GALNT17: variants seen among roughly 807,000 people sequenced by gnomAD.
GALNT17 encodes UDP-GalNAc:polypeptide N-acetylgalactosaminyltransferase-like 3.
A neutral mutation model predicts 63.7 loss-of-function variants in GALNT17; 29 were observed. That is an observed-to-expected ratio of 0.46 (90% CI 0.34 to 0.62). The LOEUF is 0.62. Ranked by LOEUF, GALNT17 falls within the 20% of genes least tolerant of loss-of-function variation. GALNT17 has a pLI of 0.01. For synonymous variants in GALNT17, 305 were observed against 318.3 expected (o/e 0.96, Z 0.45); for missense variants, 603 against 799.6 (o/e 0.75, Z 2.97).
intron 4 of GALNT17, among the ~76,000 whole-genome samples, chr7:71,417,230 GTTC>G (rs1232332167): frequency 1.3e-5 from 2 of 152,136 alleles, no homozygotes; most frequent in African/African-American, 2.4e-5. Context: ...TAAAATGTCT[GTTC>G]TTCTTCATTT....
At chr7:71,362,760 C>T (rs925553282) in intron 2 of GALNT17, among the ~76,000 whole-genome samples, 4 of 152,118 alleles carry the variant, frequency 2.6e-5, no homozygotes, top group East Asian at 1.9e-4. Context: ...AACCCTGCCC[C>T]GCTGAAAGCC....
chr7:71,388,474 G>A, intron 3 of GALNT17, 73 bp downstream of exon 3: 3 of 1,542,952 alleles, frequency 1.9e-6, no homozygotes, highest in South Asian at 1.2e-5. Flanking sequence ...TCCAACGCGA[G>A]CCCGAGCATC....
At position 71,677,247 on chromosome 7, in the gene GALNT17, C is replaced by G; in HGVS notation, c.1441C>G (p.Gln481Glu). Reference sequence around the variant, plus strand: ...CAAGGCAAAAGACGTCTGCTTGGACCAGGGGCCGCTGGAGAACCACACAGC... The same window carrying G: ...CAAGGCAAAAGACGTCTGCTTGGACGAGGGGCCGCTGGAGAACCACACAGC... ...NNKAKDVCLD[Q>E]GPLENHTAIL... is the part of the protein sequence containing the mutation. Residue 481 changes from glutamine to glutamate, a missense_variant, in exon 9 of 11, where the codon CAG becomes GAG. Physicochemically the swap from Gln to Glu is conservative, Grantham distance 29. Around this residue, in one of 3 missense-constraint regions of GALNT17, gnomAD observed 336 missense variants for 507.8 expected, o/e 0.66. Coordinates refer to ENST00000333538, the MANE Select transcript of GALNT17 (RefSeq NM_022479.3). 1 of 1,613,986 alleles carries G rather than the reference C, an allele frequency of 6.2e-7. No individual in the cohort carries two copies. Among genetic ancestry groups the G allele is most frequent in the South Asian group, 1.1e-5 (1 of 91,076 alleles).
chr7:71,413,306 T>G (rs950219255), intron 3 of GALNT17, among the ~76,000 whole-genome samples: 1 of 152,200 alleles, frequency 6.6e-6, no homozygotes, highest in African/African-American at 2.4e-5. Flanking sequence ...CCATTTTTTT[T>G]GGGCGAGTGG....
At chr7:71,232,239 T>G (rs1430246734) in intron 1 of GALNT17, among the ~76,000 whole-genome samples, 1 of 152,182 alleles carries the variant, frequency 6.6e-6, no homozygotes, top group Non-Finnish European at 1.5e-5. Flanking sequence ...CACATTTCTG[T>G]CCTTAGATTT....
At chr7:71,225,822 C>T (rs1789670203) in intron 1 of GALNT17, among the ~76,000 whole-genome samples, 2 of 152,072 alleles carry the variant, frequency 1.3e-5, no homozygotes, top group African/African-American at 4.8e-5. Context: ...ACATTCATGG[C>T]CTGCCATGCT....
Position 71,598,256 on chromosome 7 carries a change from T to C in GALNT17, c.1080+26854T>C, listed in dbSNP as rs184470133. Among the ~76,000 whole-genome samples the C allele has an allele frequency of 4.3e-3, 655 of 152,336 alleles. 4 individuals are homozygous for C. The highest frequency in any genetic ancestry group is 0.02 in the Middle Eastern group (6 of 294). On this transcript the variant is annotated intron_variant, in intron 6 of 10. Coordinates refer to ENST00000333538, the MANE Select transcript of GALNT17 (RefSeq NM_022479.3). ...CGTGCCCGGCCGGTAGTTTCATTGCTTATTATGATAGTAGAAGTCATTTTC... is the reference window on the plus strand; with the variant it reads ...CGTGCCCGGCCGGTAGTTTCATTGCCTATTATGATAGTAGAAGTCATTTTC...
chr7:71,467,566 G>A (rs931696520), intron 5 of GALNT17, among the ~76,000 whole-genome samples: 6 of 151,134 alleles, frequency 4.0e-5, no homozygotes, highest in Admixed American at 4.0e-4. Context: ...CACTTTCTGT[G>A]ACATGTGTTC....
intron 1 of GALNT17, among the ~76,000 whole-genome samples, chr7:71,245,820 G>A (rs935159669): frequency 6.0e-5 from 9 of 150,244 alleles, no homozygotes; most frequent in African/African-American, 2.0e-4. Context: ...TGTGAATTGG[G>A]AAAGGTCTGC....
rs556899191 is a variant in GALNT17, at chr7:71,254,387, A to C, written c.239-81163A>C. On this transcript the variant is annotated intron_variant, in intron 1 of 10. Transcript: ENST00000333538. ...CTGGGAAGGGAAGAGGATTCTCTAC[A>C]GAATGTAGATTTTCCCTACAAGAGA... Among the ~76,000 whole-genome samples, 5 of 152,296 alleles carry C rather than the reference A, an allele frequency of 3.3e-5. No individual in the cohort carries two copies. In the East Asian group the frequency reaches 9.7e-4, roughly 29 times the overall value.
At position 71,421,073 on chromosome 7, in the gene GALNT17, G is replaced by A; in HGVS notation, c.930G>A (p.Trp310Ter). 6.2e-7 allele frequency: 1 copy of A among 1,614,126 alleles called. No individual in the cohort carries two copies. Among genetic ancestry groups the A allele is most frequent in the Non-Finnish European group, 8.5e-7 (1 of 1,180,020 alleles). ...WCMYISPPKDWWDAGDPSLPI... is the reference protein window; with the variant it reads ...WCMYISPPKD ...TGTACATCAGCCCCCCAAAAGACTGGTGGGACGCCGGAGACCCTTCTCTCC... is the reference window on the plus strand; with the variant it reads ...TGTACATCAGCCCCCCAAAAGACTGATGGGACGCCGGAGACCCTTCTCTCC... The change falls in exon 5 of 11, where the codon TGG (tryptophan) becomes TGA (stop). Residue 310 changes from tryptophan (W) to a stop codon, truncating the protein, a stop_gained. Transcript: ENST00000333538. LOFTEE classifies it high-confidence loss of function.
At chr7:71,381,642 G>T (rs1027829413) in intron 2 of GALNT17, among the ~76,000 whole-genome samples, 3 of 152,232 alleles carry the variant, frequency 2.0e-5, no homozygotes, top group African/African-American at 7.2e-5. Context: ...AGCTGGGTGT[G>T]GTGGTGCATG....
At position 71,345,148 on chromosome 7, in the gene GALNT17, T is replaced by G. The variant is rs564220445; in HGVS notation, c.422+9415T>G. ...GTTTTTTTTTTGTTGTTGTTTTTTGTTTTTTTTTTTTGTTTTTTTTTGCTG... is the reference window on the plus strand; with the variant it reads ...GTTTTTTTTTTGTTGTTGTTTTTTGGTTTTTTTTTTTGTTTTTTTTTGCTG... On this transcript the variant is annotated intron_variant, in intron 2 of 10. Transcript: ENST00000333538. Among the ~76,000 whole-genome samples the G allele has an allele frequency of 1.8e-3, 79 of 43,564 alleles. 1 individual carries two copies. The highest frequency in any genetic ancestry group is 4.8e-3 in the Admixed American group (24 of 4,950). 28.6% of individuals were successfully genotyped at this position (43,564 alleles called of 152,430 possible).
At chr7:71,264,579 G>A (rs1294840060) in intron 1 of GALNT17, among the ~76,000 whole-genome samples, 1 of 152,124 alleles carries the variant, frequency 6.6e-6, no homozygotes, top group Non-Finnish European at 1.5e-5. Context: ...ATCAAACTAA[G>A]TGTCCAGCAA....
At chr7:71,389,090 G>A (rs534306392) in intron 3 of GALNT17, among the ~76,000 whole-genome samples, 1 of 152,068 alleles carries the variant, frequency 6.6e-6, no homozygotes, top group African/African-American at 2.4e-5. Flanking sequence ...ATAGGAGCAT[G>A]AACCCTGTTG....
At chr7:71,686,199 C>G (rs1419217439) in intron 9 of GALNT17, among the ~76,000 whole-genome samples, 1 of 152,062 alleles carries the variant, frequency 6.6e-6, no homozygotes, top group African/African-American at 2.4e-5. Context: ...AGGTGATCCG[C>G]CTGCCTAGGC....
intron 5 of GALNT17, among the ~76,000 whole-genome samples, chr7:71,443,493 A>G (rs1236415808): frequency 2.6e-5 from 4 of 152,126 alleles, no homozygotes; most frequent in East Asian, 3.9e-4. Context: ...TTCTTGCTCT[A>G]TTAGTTCATC....
chr7:71,489,454 CTG>C (rs1304366312), intron 5 of GALNT17, among the ~76,000 whole-genome samples: 1 of 152,212 alleles, frequency 6.6e-6, no homozygotes, highest in Non-Finnish European at 1.5e-5. Flanking sequence ...AGTGACTTAA[CTG>C]TTCTGAGCCT....
intron 5 of GALNT17, among the ~76,000 whole-genome samples, chr7:71,477,604 G>T (rs1422742077): frequency 6.6e-6 from 1 of 152,146 alleles, no homozygotes; most frequent in Non-Finnish European, 1.5e-5. Flanking sequence ...CAAGAGGATT[G>T]CTGGAGCCCA....
Sources: allele counts gnomAD v4.1 joint callset (sites outside exome capture counted in the v4.1 genomes callset), GRCh38; gene constraint gnomAD v4.1.1; regional missense constraint gnomAD v4.1.1; transcripts MANE v1.5; gene names NCBI Gene and HGNC (gene_info 2026-07-23, HGNC 2026-07-21).